Variants in VOPP1 observed in about 807,000 individuals in gnomAD.
VOPP1 encodes the protein WW domain binding protein VOPP1.
Under a neutral mutation model 23.5 loss-of-function variants are expected in VOPP1, and 8 were observed. The ratio of observed to expected loss-of-function variants is 0.34; its 90% confidence interval spans 0.20 to 0.61. VOPP1 has a LOEUF of 0.61. VOPP1 is among the 20% of genes least tolerant of loss of function. The pLI is 0.78. For missense variants in VOPP1, 174 were observed against 238.1 expected, an observed-to-expected ratio of 0.73 and a Z score of 1.77; for synonymous variants, 83 against 97.3, an observed-to-expected ratio of 0.85 and a Z score of 0.86.
intron 2 of VOPP1, among the ~76,000 whole-genome samples, chr7:55,510,486 G>T (rs1286214267): frequency 1.3e-5 from 2 of 150,092 alleles, no homozygotes; most frequent in African/African-American, 4.9e-5. Flanking sequence ...TCATTATTTT[G>T]TCATGCTTTA....
At chr7:55,510,922 C>G (rs1795030672) in intron 2 of VOPP1, among the ~76,000 whole-genome samples, 1 of 152,150 alleles carries the variant, frequency 6.6e-6, no homozygotes, top group Non-Finnish European at 1.5e-5. Context: ...CCTGCCCTCC[C>G]CAATCTGTCC....
At chr7:55,443,714 G>A (rs1013745607) in intron 4 of VOPP1, among the ~76,000 whole-genome samples, 1 of 143,798 alleles carries the variant, frequency 7.0e-6, no homozygotes, top group African/African-American at 2.6e-5. Context: ...ACACAATCTC[G>A]GCTCACTGCA....
chr7:55,564,137 G>A (rs1584130054), intron 1 of VOPP1, among the ~76,000 whole-genome samples: 1 of 152,090 alleles, frequency 6.6e-6, no homozygotes, highest in Admixed American at 6.6e-5. Context: ...TTCACTCACC[G>A]CAGGCCTGGC....
At chr7:55,439,061 G>A (rs1258621637) in intron 4 of VOPP1, among the ~76,000 whole-genome samples, 2 of 152,198 alleles carry the variant, frequency 1.3e-5, no homozygotes, top group Admixed American at 1.3e-4. Flanking sequence ...GTTCAAGGTG[G>A]TTTATTAGAG....
intron 1 of VOPP1, among the ~76,000 whole-genome samples, chr7:55,557,679 C>A (rs560037484): frequency 1.3e-5 from 2 of 152,334 alleles, no homozygotes; most frequent in East Asian, 3.9e-4. Context: ...TGCCCAGCCA[C>A]AACAGAACAA....
At chr7:55,556,180 A>G (rs1797796075) in intron 1 of VOPP1, among the ~76,000 whole-genome samples, 1 of 152,136 alleles carries the variant, frequency 6.6e-6, no homozygotes, top group East Asian at 1.9e-4. Flanking sequence ...AGACCTTCTG[A>G]GCCCAGCCTG....
intron 2 of VOPP1, among the ~76,000 whole-genome samples, chr7:55,504,239 A>G (rs1256330567): frequency 6.6e-6 from 1 of 152,236 alleles, no homozygotes; most frequent in Non-Finnish European, 1.5e-5. Flanking sequence ...TGCTTTTTAC[A>G]CTACTCATTA....
chr7:55,462,694 T>C (rs1445507066), intron 4 of VOPP1, among the ~76,000 whole-genome samples: 2 of 150,060 alleles, frequency 1.3e-5, no homozygotes, highest in South Asian at 2.1e-4. Flanking sequence ...CTCGCTCTGT[T>C]GCCCAGGCTG....
chr7:55,477,417 A>G (rs1297904088), intron 4 of VOPP1, among the ~76,000 whole-genome samples: 1 of 152,170 alleles, frequency 6.6e-6, no homozygotes, highest in African/African-American at 2.4e-5. Flanking sequence ...CTGGGTGTGC[A>G]TGGGTTTCCT....
chr7:55,497,045 C>T (rs1794002470), intron 3 of VOPP1, among the ~76,000 whole-genome samples: 1 of 152,232 alleles, frequency 6.6e-6, no homozygotes, highest in South Asian at 2.1e-4. Flanking sequence ...GGCTCCCGCC[C>T]ACAGGAGGCT....
intron 4 of VOPP1, among the ~76,000 whole-genome samples, chr7:55,474,010 A>G (rs1214405930): frequency 1.3e-5 from 2 of 152,246 alleles, no homozygotes; most frequent in Non-Finnish European, 2.9e-5. Context: ...CAAAGCCCAC[A>G]TAAGTCAGAC....
chr7:55,535,780 G>A (rs1796750100), intron 1 of VOPP1, among the ~76,000 whole-genome samples: 1 of 152,236 alleles, frequency 6.6e-6, no homozygotes, highest in Admixed American at 6.5e-5. Context: ...ACCATGGGAA[G>A]GAGTGGGCTG....
At chr7:55,448,472 G>C (rs1479626725) in intron 4 of VOPP1, among the ~76,000 whole-genome samples, 1 of 152,180 alleles carries the variant, frequency 6.6e-6, no homozygotes, top group Admixed American at 6.5e-5. Flanking sequence ...TATTTGGTCT[G>C]CATCATCCAC....
At chr7:55,537,827 A>G in intron 1 of VOPP1, 4 of 769,848 alleles carry the variant, frequency 5.2e-6, no homozygotes, top group Non-Finnish European at 7.3e-6. Context: ...AACTTCCACT[A>G]CTTCAAACCC....
chr7:55,514,872 G>A (rs1272222380), intron 2 of VOPP1, among the ~76,000 whole-genome samples: 2 of 152,200 alleles, frequency 1.3e-5, no homozygotes, highest in Non-Finnish European at 2.9e-5. Context: ...CTGCTGCAAA[G>A]GTAGATGCAA....
chr7:55,453,729 T>C (rs1301002294), intron 4 of VOPP1, among the ~76,000 whole-genome samples: 1 of 152,158 alleles, frequency 6.6e-6, no homozygotes, highest in African/African-American at 2.4e-5. Flanking sequence ...AATTACCAAA[T>C]GAGACATAGA....
At chr7:55,553,343 A>C (rs17746936) in intron 1 of VOPP1, among the ~76,000 whole-genome samples, 14,093 of 152,164 alleles carry the variant, frequency 0.093, 915 homozygotes, top group East Asian at 0.29. Context: ...TCACCAGTAA[A>C]AACCTCTTTA....
intron 2 of VOPP1, among the ~76,000 whole-genome samples, chr7:55,514,439 C>T (rs1795275923): frequency 1.3e-5 from 2 of 152,228 alleles, no homozygotes; most frequent in Admixed American, 1.3e-4. Context: ...ATCTCTTGAA[C>T]TCCAGCCCCT....
chr7:55,498,835 C>T (rs1220175405), intron 2 of VOPP1, among the ~76,000 whole-genome samples: 1 of 152,164 alleles, frequency 6.6e-6, no homozygotes, highest in African/African-American at 2.4e-5. Context: ...GCCTGGAACT[C>T]AGCAGACCCA....
Sources: allele counts gnomAD v4.1 joint callset (sites outside exome capture counted in the v4.1 genomes callset), GRCh38; gene constraint gnomAD v4.1.1; transcripts MANE v1.5; gene names NCBI Gene and HGNC (gene_info 2026-07-23, HGNC 2026-07-21).